PPEF1: variants seen among roughly 807,000 people sequenced by gnomAD.
PPEF1 encodes the protein protein phosphatase with EF-hand domain 1, also known as serine/threonine-protein phosphatase with EF-hands 1.
Under a neutral mutation model 53.3 loss-of-function variants are expected in PPEF1, and 12 were observed. The ratio of observed to expected loss-of-function variants is 0.23; its 90% CI spans 0.14 to 0.36. PPEF1 has a LOEUF of 0.36. PPEF1 is among the 10% of genes least tolerant of loss of function. The probability of loss-of-function intolerance (pLI) is 1.00; values close to 1 mark genes in which losing one functional copy is unlikely to be tolerated. For synonymous variants in PPEF1, 165 were observed against 176.7 expected (o/e 0.93, Z 0.52); for missense variants, 334 against 490.4 (o/e 0.68, Z 3.01).
chrX:18,698,515 G>A (rs778416302), intron 5 of PPEF1, among the ~76,000 whole-genome samples: 5 of 111,907 alleles, frequency 4.5e-5, no homozygotes, highest in African/African-American at 9.8e-5. Flanking sequence ...GTGGCCAGTC[G>A]CAGTGGCTCA....
intron 10 of PPEF1, among the ~76,000 whole-genome samples, chrX:18,798,560 G>A (rs2046479238): frequency 9.0e-6 from 1 of 111,569 alleles, no homozygotes; most frequent in Non-Finnish European, 1.9e-5. Context: ...GGCCTGAAGG[G>A]TGGACAGGGA....
chrX:18,692,046 C>G (rs1929421453), intron 4 of PPEF1, among the ~76,000 whole-genome samples: 1 of 112,008 alleles, frequency 8.9e-6, no homozygotes, highest in Admixed American at 9.5e-5. Context: ...TAGCTTTACT[C>G]TATAAGCTCT....
In PPEF1 at chrX:18,754,373, G is replaced by C. The variant is rs185153526; in HGVS notation, c.397-3254G>C. ...GACCGTTTTCTCTGACATCACCCCA[G>C]TACCCTCATTCTCAGGTTAGGACCC... On this transcript the variant is annotated intron_variant, in intron 4 of 15. Coordinates refer to ENST00000470157, the MANE Select transcript of PPEF1 (RefSeq NM_001377996.1). Among the ~76,000 whole-genome samples the C allele has an allele frequency of 4.4e-3, 489 of 111,020 alleles. 3 individuals carry two copies. The highest frequency in any genetic ancestry group is 0.019 in the Middle Eastern group (4 of 215).
rs1032068267 is a variant in PPEF1, at chrX:18,697,111, C to A, written c.-312-734C>A. Reference sequence around the variant, plus strand: ...GAGAGGTAGCCAGGCTTCTCCATTCCCCTCTGTCTTTCCATAGTTTGCTAT... The same window carrying A: ...GAGAGGTAGCCAGGCTTCTCCATTCACCTCTGTCTTTCCATAGTTTGCTAT... On this transcript the variant is annotated intron_variant, in intron 4 of 21. Coordinates refer to the PPEF1 transcript ENST00000361511. 4.5e-5 allele frequency among the ~76,000 whole-genome samples: 5 copies of A among 112,255 alleles called. 1 individual carries two copies. In the South Asian group the frequency reaches 1.5e-3, roughly 33 times the overall value.
intron 3 of PPEF1, among the ~76,000 whole-genome samples, chrX:18,688,059 G>T (rs1048286578): frequency 8.9e-6 from 1 of 112,114 alleles, no homozygotes; most frequent in African/African-American, 3.2e-5. Flanking sequence ...TCCCCAGGTT[G>T]AAAGTGGCAG....
intron 1 of PPEF1, among the ~76,000 whole-genome samples, chrX:18,709,032 T>C (rs2044264345): frequency 8.9e-6 from 1 of 112,053 alleles, no homozygotes; most frequent in South Asian, 3.7e-4. Flanking sequence ...TTTTAAAACA[T>C]TGCATGTAAG....
intron 4 of PPEF1, among the ~76,000 whole-genome samples, chrX:18,757,287 A>G (rs1281504416): frequency 2.7e-5 from 3 of 109,937 alleles, no homozygotes; most frequent in Non-Finnish European, 5.7e-5. Flanking sequence ...TGTATTTATA[A>G]TTTTTTTTCA....
intron 1 of PPEF1, among the ~76,000 whole-genome samples, chrX:18,714,269 G>GTTTTTTTTTTTTTTTTTTTTTTT (rs752286222): frequency 3.2e-5 from 2 of 61,948 alleles, no homozygotes; most frequent in South Asian, 8.0e-4. Context: ...TTTGTTTTTC[G>GTTTTTTTTTTTTTTTTTTTTTTT]TTTTTTTGTT....
chrX:18,754,244 A>G (rs1238368215), intron 4 of PPEF1, among the ~76,000 whole-genome samples: 1 of 111,387 alleles, frequency 9.0e-6, no homozygotes, highest in Non-Finnish European at 1.9e-5. Flanking sequence ...AGTATTTTCC[A>G]GAGTTCTGAC....
Position 18,823,971 on chromosome X carries a change from G to A in PPEF1, c.1550G>A (p.Gly517Glu), listed in dbSNP as rs1450137642. 1.7e-6 allele frequency: 2 copies of A among 1,209,377 alleles called. No homozygotes were observed. The highest frequency in any genetic ancestry group is 3.0e-5 in the East Asian group (1 of 33,785). ...GCTTTTTGCATGGAGAACATTTTGG[G>A]GCTGAACTTACCATGGAGATCCCTC... ...QWAFCMENIL[G>E]LNLPWRSLSS... The change falls in exon 14 of 16, where the codon GGG becomes GAG. Residue 517 changes from glycine to glutamate, a missense_variant. Coordinates refer to ENST00000470157, the MANE Select transcript of PPEF1 (RefSeq NM_001377996.1).
chrX:18,827,147 C>A, intron 15 of PPEF1, 129 bp from the exon 16 acceptor site: 1 of 496,058 alleles, frequency 2.0e-6, no homozygotes, highest in Non-Finnish European at 3.4e-6. Flanking sequence ...CCATATCCTT[C>A]AGTATCTTCA....
intron 5 of PPEF1, 26 bp downstream of exon 5, chrX:18,757,767 A>C: frequency 9.0e-7 from 1 of 1,113,265 alleles, no homozygotes; most frequent in Non-Finnish European, 1.2e-6. Context: ...GAGTTGTCCA[A>C]TTAATATTTA....
At chrX:18,755,396 G>A (rs990529500) in intron 4 of PPEF1, among the ~76,000 whole-genome samples, 6 of 111,445 alleles carry the variant, frequency 5.4e-5, no homozygotes, top group African/African-American at 1.6e-4. Context: ...GTGAAACCCC[G>A]TCTCTACTAA....
chrX:18,698,746 C>CT (rs1249872966), intron 5 of PPEF1, among the ~76,000 whole-genome samples: 2 of 112,208 alleles, frequency 1.8e-5, no homozygotes, highest in African/African-American at 6.5e-5. Flanking sequence ...GAATGCACCA[C>CT]TACACAGCCT....
chrX:18,693,848 G>A (rs1235383926), intron 4 of PPEF1, among the ~76,000 whole-genome samples: 4 of 112,178 alleles, frequency 3.6e-5, no homozygotes, highest in Non-Finnish European at 5.6e-5. Flanking sequence ...GATGGCAGGC[G>A]TGAGCCACCA....
rs1277172283 is a variant in PPEF1 at position 18,713,912 on chromosome X, G to C, written c.46+6086G>C. Among the ~76,000 whole-genome samples the C allele has an allele frequency of 2.7e-5, 3 of 111,454 alleles. No homozygotes were observed. In the East Asian group the frequency reaches 8.4e-4, roughly 31 times the overall value. On this transcript the variant is annotated intron_variant, in intron 1 of 15. Coordinates refer to ENST00000470157, the MANE Select transcript of PPEF1 (RefSeq NM_001377996.1). ...TAGTCATTGCTAAGTATTTTATTTG[G>C]TGAATAGGCCATAATATGCTTAATT...
intron 12 of PPEF1, among the ~76,000 whole-genome samples, chrX:18,811,582 A>T (rs1443305154): frequency 3.4e-5 from 3 of 89,358 alleles, no homozygotes; most frequent in Non-Finnish European, 6.5e-5. Context: ...CACATCACTT[A>T]TTCAGTATAT....
Position 18,806,479 on chromosome X carries a change from G to A in PPEF1, c.1328G>A (p.Gly443Asp), listed in dbSNP as rs773135222. Residue 443 changes from glycine (G) to aspartate (D), a missense_variant, in exon 12 of 16, where the codon GGT becomes GAT. Transcript: ENST00000470157. ...GGAGCTTACATCAAACTATGTTCTG[G>A]TACAACTCCTCGATTTTTCCAGTAC... is the stretch of plus-strand genomic sequence containing the variant. ...NRGAYIKLCS[G>D]TTPRFFQYQV... is the part of the protein sequence containing the mutation. 2.5e-6 allele frequency: 3 copies of A among 1,208,150 alleles called. No individual in the cohort carries two copies. The South Asian group carries it at 5.3e-5, about 21-fold the overall frequency.
Position 18,810,245 on chromosome X carries a change from A to G in PPEF1, c.1394+3700A>G, listed in dbSNP as rs747451737. On this transcript the variant is annotated intron_variant, in intron 12 of 15. Coordinates refer to ENST00000470157, the MANE Select transcript of PPEF1 (RefSeq NM_001377996.1). ...CATTGGACAATCTGAAAAACAACAT[A>G]CCATATTTATTTATAATTTCATTAT... 6.4e-5 allele frequency among the ~76,000 whole-genome samples: 7 copies of G among 110,064 alleles called. No individual in the cohort carries two copies. In the East Asian group the frequency reaches 2.0e-3, roughly 31 times the overall value.
Sources: allele counts gnomAD v4.1 joint callset (sites outside exome capture counted in the v4.1 genomes callset), GRCh38; gene constraint gnomAD v4.1.1; transcripts MANE v1.5; gene names NCBI Gene and HGNC (gene_info 2026-07-23, HGNC 2026-07-21).